AFG2A: variants seen among roughly 807,000 people sequenced by gnomAD.
The protein encoded by AFG2A is ATPase family gene 2 protein homolog A.
At chr4:123,153,195 T>A in the AFG2A span, among the ~76,000 whole-genome samples, 3 of 152,212 alleles carry the variant, frequency 2.0e-5, no homozygotes, top group Admixed American at 2.0e-4. Context: ...TGGGACTTTC[T>A]CCTGTAGCAC....
the AFG2A span, among the ~76,000 whole-genome samples, chr4:123,177,060 CAT>C: frequency 3.3e-5 from 5 of 152,218 alleles, no homozygotes; most frequent in South Asian, 8.3e-4. Context: ...CAAAAGCCCT[CAT>C]ATTAGCTCCA....
At chr4:123,233,138 C>T in the AFG2A span, among the ~76,000 whole-genome samples, 3 of 152,172 alleles carry the variant, frequency 2.0e-5, no homozygotes, top group East Asian at 5.8e-4. Context: ...GCATGACCCA[C>T]GTGAAAAGAT....
At chr4:123,284,832 T>TCACAA in the AFG2A span, among the ~76,000 whole-genome samples, 1 of 152,176 alleles carries the variant, frequency 6.6e-6, no homozygotes, top group African/African-American at 2.4e-5. Context: ...GCATTTGTCT[T>TCACAA]CACAATTAAG....
At chr4:123,055,521 G>T in the AFG2A span, among the ~76,000 whole-genome samples, 1 of 152,126 alleles carries the variant, frequency 6.6e-6, no homozygotes, top group Non-Finnish European at 1.5e-5. Flanking sequence ...CATTCTGCTA[G>T]GGTTTGCCTT....
the AFG2A span, among the ~76,000 whole-genome samples, chr4:123,054,196 G>A: frequency 6.6e-6 from 1 of 152,210 alleles, no homozygotes. Context: ...GGGCTTGAAT[G>A]CAAAAGCAAG....
the AFG2A span, among the ~76,000 whole-genome samples, chr4:123,235,283 T>C: frequency 6.6e-6 from 1 of 152,188 alleles, no homozygotes; most frequent in African/African-American, 2.4e-5. Context: ...ACTTTTGTGT[T>C]GTATACAATA....
At chr4:123,072,467 G>C in the AFG2A span, among the ~76,000 whole-genome samples, 3 of 152,038 alleles carry the variant, frequency 2.0e-5, no homozygotes, top group Non-Finnish European at 4.4e-5. Context: ...GTAAACAAAT[G>C]GTTTATCAGA....
chr4:123,060,858 C>T, the AFG2A span, among the ~76,000 whole-genome samples: 83 of 152,250 alleles, frequency 5.5e-4, no homozygotes, highest in African/African-American at 1.9e-3. Context: ...AAATTCCAAA[C>T]TTTTATGCCT....
At chr4:123,284,351 T>C in the AFG2A span, among the ~76,000 whole-genome samples, 1 of 152,216 alleles carries the variant, frequency 6.6e-6, no homozygotes, top group South Asian at 2.1e-4. Context: ...AGCAGACACT[T>C]CCTCTTTGCC....
the AFG2A span, among the ~76,000 whole-genome samples, chr4:123,010,401 AT>A: frequency 0.82 from 124,253 of 151,612 alleles, 52,364 homozygotes; most frequent in East Asian, 0.96. Context: ...GTTTTAATGT[AT>A]TTTTTTTTCC....
the AFG2A span, among the ~76,000 whole-genome samples, chr4:123,233,046 A>C: frequency 6.6e-6 from 1 of 152,154 alleles, no homozygotes; most frequent in African/African-American, 2.4e-5. Flanking sequence ...CCTTGACTTC[A>C]AATCATTAAA....
the AFG2A span, among the ~76,000 whole-genome samples, chr4:123,118,506 G>A: frequency 6.6e-6 from 1 of 151,028 alleles, no homozygotes; most frequent in Non-Finnish European, 1.5e-5. Context: ...TCATCCTTTT[G>A]TAGGATGCAT....
At chr4:123,217,669 A>G in the AFG2A span, among the ~76,000 whole-genome samples, 3 of 152,164 alleles carry the variant, frequency 2.0e-5, no homozygotes, top group East Asian at 3.9e-4. Context: ...CCTTTGAGAC[A>G]TGGGTGCTTT....
the AFG2A span, among the ~76,000 whole-genome samples, chr4:123,307,698 C>T: frequency 6.6e-6 from 1 of 152,196 alleles, no homozygotes; most frequent in South Asian, 2.1e-4. Context: ...TACAGTCATG[C>T]ACCACATAAT....
chr4:123,194,915 A>G, the AFG2A span, among the ~76,000 whole-genome samples: 1 of 152,174 alleles, frequency 6.6e-6, no homozygotes, highest in African/African-American at 2.4e-5. Context: ...ATATCCCCAT[A>G]ATATTATTAT....
At chr4:123,137,749 C>A in the AFG2A span, among the ~76,000 whole-genome samples, 2 of 152,054 alleles carry the variant, frequency 1.3e-5, no homozygotes, top group Non-Finnish European at 2.9e-5. Flanking sequence ...TTCCGTTTTT[C>A]ATTCTTCGGT....
chr4:123,231,315 G>A, the AFG2A span, among the ~76,000 whole-genome samples: 8 of 151,950 alleles, frequency 5.3e-5, no homozygotes, highest in Admixed American at 6.6e-5. Context: ...CTTGCTGCCT[G>A]ACCATGCACT....
At chr4:123,089,104 G>A in the AFG2A span, among the ~76,000 whole-genome samples, 15 of 152,096 alleles carry the variant, frequency 9.9e-5, no homozygotes, top group Non-Finnish European at 1.6e-4. Context: ...ATAAATTAGC[G>A]TTGTGATTTG....
the AFG2A span, among the ~76,000 whole-genome samples, chr4:122,963,048 A>G: frequency 6.6e-6 from 1 of 152,224 alleles, no homozygotes; most frequent in Non-Finnish European, 1.5e-5. Flanking sequence ...GTGAAGCTGT[A>G]GAAAGAATGA....
Sources: allele counts gnomAD v4.1 joint callset (sites outside exome capture counted in the v4.1 genomes callset), GRCh38; gene constraint gnomAD v4.1.1; transcripts MANE v1.5; gene names NCBI Gene and HGNC (gene_info 2026-07-23, HGNC 2026-07-21).